Variants in UNC5C observed in about 807,000 individuals in gnomAD.
UNC5C encodes netrin receptor UNC5C.
A neutral mutation model predicts 99.8 loss-of-function variants in UNC5C; 47 were observed. The observed-to-expected ratio is 0.47, with a 90% CI of 0.37 to 0.60. The LOEUF is 0.60. Among genes scored for constraint, UNC5C ranks in the 20% least tolerant of loss-of-function variants. The probability of loss-of-function intolerance (pLI) is 0.00; values close to 1 mark genes in which losing one functional copy is unlikely to be tolerated. For missense variants in UNC5C, 1,062 were observed against 1,165.9 expected (o/e 0.91, Z 1.30); for synonymous variants, 487 against 452.2 (o/e 1.08, Z -0.98).
At position 95,168,950 on chromosome 4, in the gene UNC5C, A is replaced by C. The variant is rs1207845576; in HGVS notation, c.*284T>G. The C allele has an allele frequency of 6.3e-6, 2 of 317,894 alleles. No individual in the cohort carries two copies. Among genetic ancestry groups the C allele is most frequent in the Non-Finnish European group, 1.2e-5 (2 of 171,920 alleles). 19.7% of individuals were successfully genotyped at this position (317,894 alleles called of 1,614,324 possible). ...AAAAAGCGTTTCCTAGGAAACTGTA[A>C]GATCCTGTACCACACAGCATACAGC... On this transcript the variant is annotated 3_prime_UTR_variant, in exon 16 of 16. Coordinates refer to ENST00000453304, the MANE Select transcript of UNC5C (RefSeq NM_003728.4).
At chr4:95,491,881 G>A (rs1046401334) in intron 1 of UNC5C, among the ~76,000 whole-genome samples, 4 of 151,360 alleles carry the variant, frequency 2.6e-5, no homozygotes, top group Admixed American at 6.6e-5. Flanking sequence ...CTATAATGTC[G>A]CTGTCACTGA....
At chr4:95,201,805 C>T (rs558582889) in intron 12 of UNC5C, among the ~76,000 whole-genome samples, 76 of 152,212 alleles carry the variant, frequency 5.0e-4, no homozygotes, top group South Asian at 2.5e-3. Flanking sequence ...GGGGTTTCAC[C>T]GTGTTAGCCA....
chr4:95,532,283 T>C (rs1722666765), intron 1 of UNC5C, among the ~76,000 whole-genome samples: 1 of 152,084 alleles, frequency 6.6e-6, no homozygotes, highest in Admixed American at 6.5e-5. Flanking sequence ...ATAGTCTTGA[T>C]TTCCACCTAC....
At chr4:95,227,325 A>G (rs60492600) in intron 7 of UNC5C, among the ~76,000 whole-genome samples, 1 of 151,190 alleles carries the variant, frequency 6.6e-6, no homozygotes, top group Non-Finnish European at 1.5e-5. Flanking sequence ...TATTTAAAAA[A>G]TTTTTTTTGT....
intron 7 of UNC5C, among the ~76,000 whole-genome samples, chr4:95,227,594 A>G (rs1738747619): frequency 6.6e-6 from 1 of 152,238 alleles, no homozygotes; most frequent in Admixed American, 6.5e-5. Context: ...AGAGCAGGCT[A>G]TGTCTTAAAC....
At chr4:95,375,478 T>C (rs964454848) in intron 1 of UNC5C, among the ~76,000 whole-genome samples, 3 of 152,084 alleles carry the variant, frequency 2.0e-5, no homozygotes, top group African/African-American at 7.2e-5. Flanking sequence ...AGTTGGAATA[T>C]AAAGATGATT....
intron 1 of UNC5C, among the ~76,000 whole-genome samples, chr4:95,415,715 C>A (rs1221726991): frequency 7.2e-5 from 11 of 151,932 alleles, no homozygotes; most frequent in Admixed American, 6.6e-4. Flanking sequence ...TGGTTAGCAA[C>A]CTTCGTGGAT....
In UNC5C at chr4:95,548,919, GC is replaced by G; in HGVS notation, c.-63del. On this transcript the variant is annotated 5_prime_UTR_variant, in exon 1 of 16. Transcript: ENST00000453304. ...CAGAGAGACGCGCAAACAGCTGAAA[GC>G]CCCACTGGGCAGAAGCTGAATCCGT... is the stretch of plus-strand genomic sequence containing the variant. 6.3e-7 allele frequency: 1 copy of G among 1,588,876 alleles called. No individual in the cohort carries two copies. Among genetic ancestry groups the G allele is most frequent in the Non-Finnish European group, 8.6e-7 (1 of 1,164,394 alleles).
chr4:95,393,315 T>C (rs959086454), intron 1 of UNC5C, among the ~76,000 whole-genome samples: 80 of 152,298 alleles, frequency 5.3e-4, no homozygotes, highest in African/African-American at 1.9e-3. Flanking sequence ...TGTAAGTAAT[T>C]TGAATTTTCC....
At position 95,221,451 on chromosome 4, in the gene UNC5C, C is replaced by T. The variant is rs545258576; in HGVS notation, c.1109-1275G>A. On this transcript the variant is annotated intron_variant, in intron 7 of 15. Transcript: ENST00000453304. The stretch of plus-strand genomic sequence containing the variant: ...ACATGGTTTACATGGTGAAATAACT[C>T]ATCATTTCATTTGCCAGTGGCTCAT... Among the ~76,000 whole-genome samples the T allele has an allele frequency of 2.7e-4, 41 of 152,302 alleles. No homozygotes were observed. In the South Asian group the frequency reaches 8.1e-3, roughly 30 times the overall value.
chr4:95,413,923 G>A (rs943572686), intron 1 of UNC5C, among the ~76,000 whole-genome samples: 1 of 152,188 alleles, frequency 6.6e-6, no homozygotes, highest in African/African-American at 2.4e-5. Context: ...CAAATGGGAA[G>A]GTTGTGTCTT....
At chr4:95,278,449 A>G in intron 3 of UNC5C, 87 bp from the exon 4 acceptor site, 1 of 967,628 alleles carries the variant, frequency 1.0e-6, no homozygotes, top group Non-Finnish European at 1.6e-6. Flanking sequence ...CTGGCTTAGT[A>G]TTTTATCTGT....
intron 1 of UNC5C, among the ~76,000 whole-genome samples, chr4:95,481,147 A>T (rs1332478955): frequency 1.3e-5 from 2 of 151,622 alleles, no homozygotes; most frequent in Non-Finnish European, 2.9e-5. Context: ...AGCTGATAAG[A>T]AACTTCAGCA....
At chr4:95,203,739 C>T (rs1020463666) in intron 11 of UNC5C, among the ~76,000 whole-genome samples, 2 of 152,180 alleles carry the variant, frequency 1.3e-5, no homozygotes, top group African/African-American at 4.8e-5. Flanking sequence ...GCTGGGATTA[C>T]AGGTGTGAGC....
At chr4:95,548,336 G>C (rs984304986) in intron 1 of UNC5C, among the ~76,000 whole-genome samples, 1 of 151,958 alleles carries the variant, frequency 6.6e-6, no homozygotes, top group Non-Finnish European at 1.5e-5. Context: ...CATGCGCTTC[G>C]GGGTGCATCT....
Position 95,218,970 on chromosome 4 carries a change from T to G in UNC5C, c.1644A>C (p.Ser548=). 1 of 1,591,862 alleles carries G rather than the reference T, an allele frequency of 6.3e-7. No homozygotes were observed. Among genetic ancestry groups the G allele is most frequent in the East Asian group, 2.2e-5 (1 of 44,518 alleles). Residue 548 remains serine (S), a splice_region_variant and synonymous_variant, in exon 9 of 16, where the codon TCA becomes TCC. Transcript: ENST00000453304. Reference sequence around the variant, plus strand: ...GCAATTTAAACCTCTAGGAATTACCTGAATTGGGAACAATAAGGTGACCTC... The same window carrying G: ...GCAATTTAAACCTCTAGGAATTACCGGAATTGGGAACAATAAGGTGACCTC... ...SLGGHLIVPN[S]GVSLLIPAGA... is the part of the protein sequence containing the mutation.
At position 95,248,458 on chromosome 4, in the gene UNC5C, G is replaced by T. The variant is rs964163939; in HGVS notation, c.775+2029C>A. 4.8e-5 allele frequency: 21 copies of T among 441,678 alleles called. No individual in the cohort carries two copies. The East Asian group carries it at 1.5e-3, about 31-fold the overall frequency. The allele number at this position is 441,678 out of a possible 1,614,324, so 27.4% of individuals were successfully genotyped here. ...AATAAGATCGATACAGAATTATCTG[G>T]ATCGTAACTTCCCCGTGGTCTCAAC... On this transcript the variant is annotated intron_variant, in intron 5 of 15. Transcript: ENST00000453304.
At chr4:95,196,063 C>G (rs1391729542) in intron 12 of UNC5C, among the ~76,000 whole-genome samples, 1 of 151,978 alleles carries the variant, frequency 6.6e-6, no homozygotes, top group Non-Finnish European at 1.5e-5. Flanking sequence ...CCCTTTATTC[C>G]AAAAAGAGAC....
At chr4:95,304,036 T>C (rs1453967170) in intron 2 of UNC5C, among the ~76,000 whole-genome samples, 1 of 152,144 alleles carries the variant, frequency 6.6e-6, no homozygotes, top group African/African-American at 2.4e-5. Flanking sequence ...GAGTAGGAGC[T>C]GTCCCACTGG....
Sources: allele counts gnomAD v4.1 joint callset (sites outside exome capture counted in the v4.1 genomes callset), GRCh38; gene constraint gnomAD v4.1.1; transcripts MANE v1.5; gene names NCBI Gene and HGNC (gene_info 2026-07-23, HGNC 2026-07-21).